The following TCF4 variants were observed in gnomAD, a reference collection of about 807,000 sequenced individuals.
TCF4 encodes transcription factor 4.
TCF4 carries 3 observed loss-of-function variants against 82.1 expected under a neutral mutation model. The observed-to-expected ratio is 0.04, with a 90% CI of 0.02 to 0.09. The LOEUF is 0.09. Ranked by LOEUF, TCF4 falls within the 10% of genes least tolerant of loss-of-function variation. The pLI is 1.00. For missense variants in TCF4, 518 were observed against 852.7 expected, an observed-to-expected ratio of 0.61 and a Z score of 4.89; for synonymous variants, 276 against 309.6, an observed-to-expected ratio of 0.89 and a Z score of 1.14.
intron 6 of TCF4, among the ~76,000 whole-genome samples, chr18:55,369,923 G>GTA (rs1414999118): frequency 1.3e-5 from 2 of 152,140 alleles, no homozygotes; most frequent in Non-Finnish European, 2.9e-5. Context: ...TTGTGTGTGT[G>GTA]TGTGTGTGTG....
chr18:55,350,837 A>C (rs748213620), intron 7 of TCF4, 37 bp downstream of exon 7: 1 of 1,612,426 alleles, frequency 6.2e-7, no homozygotes, highest in South Asian at 1.1e-5. Flanking sequence ...AAAAGGCATA[A>C]TCATCCCTCA....
chr18:55,562,192 A>G (rs1278225404), intron 3 of TCF4, among the ~76,000 whole-genome samples: 2 of 152,224 alleles, frequency 1.3e-5, no homozygotes, highest in Non-Finnish European at 2.9e-5. Flanking sequence ...CAAAGCCAGA[A>G]AGATTTACCA....
At chr18:55,258,950 G>A (rs2057467619) in intron 13 of TCF4, among the ~76,000 whole-genome samples, 1 of 152,094 alleles carries the variant, frequency 6.6e-6, no homozygotes, top group South Asian at 2.1e-4. Flanking sequence ...AGAGACTTCA[G>A]AATCCCACTG....
chr18:55,424,318 A>T (rs1259730877), intron 5 of TCF4, among the ~76,000 whole-genome samples: 5 of 152,242 alleles, frequency 3.3e-5, no homozygotes, highest in Non-Finnish European at 5.9e-5. Context: ...TGTGTCTTAA[A>T]GAAATTCCAC....
At chr18:55,567,661 C>T (rs2097421443) in intron 3 of TCF4, among the ~76,000 whole-genome samples, 1 of 151,674 alleles carries the variant, frequency 6.6e-6, no homozygotes, top group Non-Finnish European at 1.5e-5. Flanking sequence ...TGCAGTGAGC[C>T]GAGATCGCGC....
rs118160640 is a variant in TCF4, at chr18:55,428,561, C to T, written c.305-25043G>A. On this transcript the variant is annotated intron_variant, in intron 5 of 19. Transcript: ENST00000354452. ...TTCGACCTAGATATTTTCTAACATT[C>T]CTGGGGTTTTACAGAAACTAAAGAA... 7.2e-5 allele frequency among the ~76,000 whole-genome samples: 11 copies of T among 152,274 alleles called. No individual in the cohort carries two copies. In the East Asian group the frequency reaches 2.1e-3, roughly 29 times the overall value.
chr18:55,345,886 A>C (rs1156705726), intron 8 of TCF4, among the ~76,000 whole-genome samples: 1 of 152,188 alleles, frequency 6.6e-6, no homozygotes, highest in African/African-American at 2.4e-5. Flanking sequence ...ATCAATTTCA[A>C]AAGTGATGTA....
intron 8 of TCF4, among the ~76,000 whole-genome samples, chr18:55,347,034 A>C (rs1327228973): frequency 6.6e-6 from 1 of 152,174 alleles, no homozygotes; most frequent in Non-Finnish European, 1.5e-5. Flanking sequence ...TGAGCAGTAA[A>C]GTTGCAAAAT....
chr18:55,461,978 G>T (rs1228190018), intron 4 of TCF4, among the ~76,000 whole-genome samples: 1 of 151,894 alleles, frequency 6.6e-6, no homozygotes, highest in African/African-American at 2.4e-5. Flanking sequence ...GACCAAAAAG[G>T]GGGGAAAAAG....
intron 6 of TCF4, among the ~76,000 whole-genome samples, chr18:55,393,627 TG>T (rs2093314901): frequency 6.6e-6 from 1 of 152,228 alleles, no homozygotes; most frequent in Non-Finnish European, 1.5e-5. Context: ...CCTTTCCCTT[TG>T]ATTTTATTCT....
intron 12 of TCF4, among the ~76,000 whole-genome samples, chr18:55,260,672 C>A (rs1249855298): frequency 1.3e-5 from 2 of 152,156 alleles, no homozygotes. Flanking sequence ...GATTCTCCTG[C>A]CTCAGTCTCC....
At chr18:55,437,284 T>C (rs922633943) in intron 5 of TCF4, among the ~76,000 whole-genome samples, 5 of 152,232 alleles carry the variant, frequency 3.3e-5, no homozygotes, top group African/African-American at 1.2e-4. Context: ...ATTGTGAATC[T>C]ACAGCAATGA....
chr18:55,301,492 G>A (rs2068260199), intron 8 of TCF4, among the ~76,000 whole-genome samples: 3 of 152,092 alleles, frequency 2.0e-5, no homozygotes, highest in African/African-American at 7.2e-5. Context: ...ATCGTTCACC[G>A]CACACAGCTA....
chr18:55,417,253 C>A (rs990424383), intron 5 of TCF4, among the ~76,000 whole-genome samples: 2 of 152,292 alleles, frequency 1.3e-5, no homozygotes, highest in Middle Eastern at 3.4e-3. Flanking sequence ...ACTGTGGACA[C>A]TTAAATCTAC....
chr18:55,585,777 C>A, intron 2 of TCF4: 1 of 1,098,962 alleles, frequency 9.1e-7, no homozygotes, highest in Non-Finnish European at 1.1e-6. Flanking sequence ...ATTTGCCTGT[C>A]ATATGTGAAC....
In TCF4 at chr18:55,633,944, A is replaced by G. The variant is rs577874295; in HGVS notation, c.195+1759T>C. Reference sequence around the variant, plus strand: ...AACAACAACGAAGTCCAGGTGCAGCAGGGAAGTTTAGGATCTAACAAAAAA... The same window carrying G: ...AACAACAACGAAGTCCAGGTGCAGCGGGGAAGTTTAGGATCTAACAAAAAA... On this transcript the variant is annotated intron_variant, in intron 1 of 20. Transcript: ENST00000398339. The surrounding 1 kb of genome is among the most constrained non-coding windows in gnomAD (Gnocchi z 4.0). Among the ~76,000 whole-genome samples, 1 of 152,238 alleles carries G rather than the reference A, an allele frequency of 6.6e-6. No homozygotes were observed. Among genetic ancestry groups the G allele is most frequent in the East Asian group, 1.9e-4 (1 of 5,172 alleles).
At chr18:55,395,743 C>T (rs1220680709) in intron 6 of TCF4, among the ~76,000 whole-genome samples, 1 of 152,136 alleles carries the variant, frequency 6.6e-6, no homozygotes, top group East Asian at 1.9e-4. Context: ...CATATTCTGC[C>T]TACATTGCAC....
chr18:55,319,965 T>TATAAG (rs2075084924), intron 8 of TCF4, among the ~76,000 whole-genome samples: 1 of 152,212 alleles, frequency 6.6e-6, no homozygotes, highest in African/African-American at 2.4e-5. Context: ...CTTATATTCT[T>TATAAG]TTATAATGTA....
At chr18:55,428,575 G>T (rs1308940451) in intron 5 of TCF4, among the ~76,000 whole-genome samples, 1 of 152,120 alleles carries the variant, frequency 6.6e-6, no homozygotes, top group Non-Finnish European at 1.5e-5. Flanking sequence ...GGGTTTTACA[G>T]AAACTAAAGA....
Sources: allele counts gnomAD v4.1 joint callset (sites outside exome capture counted in the v4.1 genomes callset), GRCh38; gene constraint gnomAD v4.1.1; non-coding constraint Gnocchi (gnomAD v3.1); transcripts MANE v1.5; gene names NCBI Gene and HGNC (gene_info 2026-07-23, HGNC 2026-07-21).